SEMA5A: variants seen among roughly 807,000 people sequenced by gnomAD.
SEMA5A encodes semaphorin-5A.
SEMA5A carries 55 observed loss-of-function variants against 135.5 expected under a neutral mutation model. That is an observed-to-expected ratio of 0.41 (90% CI 0.33 to 0.51). SEMA5A has a LOEUF of 0.51. Among genes scored for constraint, SEMA5A ranks in the 20% least tolerant of loss-of-function variants. The pLI, the probability that SEMA5A is intolerant of heterozygous loss-of-function variation, is 0.37. For missense variants in SEMA5A, 1,290 were observed against 1,419.9 expected (o/e 0.91, Z 1.47); for synonymous variants, 580 against 546.5 (o/e 1.06, Z -0.85).
chr5:9,184,256 GT>G lies in SEMA5A; in HGVS notation c.1273+6010del, dbSNP rs56212340. Reference sequence around the variant, plus strand: ...ACCATGTGATTTTTTTTCATTTTTAGTTTTTTTTTTCCTCCTCAATACCTAA... The same window carrying G: ...ACCATGTGATTTTTTTTCATTTTTAGTTTTTTTTTCCTCCTCAATACCTAA... On this transcript the variant is annotated intron_variant, in intron 11 of 22. Transcript: ENST00000382496. Among the ~76,000 whole-genome samples the G allele has an allele frequency of 8.5e-4, 126 of 148,340 alleles. 1 individual carries two copies. The highest frequency in any genetic ancestry group is 3.0e-3 in the African/African-American group (121 of 40,420).
intron 18 of SEMA5A, among the ~76,000 whole-genome samples, chr5:9,055,634 A>G (rs1328926390): frequency 6.6e-6 from 1 of 152,204 alleles, no homozygotes; most frequent in Non-Finnish European, 1.5e-5. Context: ...CTTTATGACA[A>G]TATTATAATT....
chr5:9,540,828 T>C, intron 1 of SEMA5A, among the ~76,000 whole-genome samples: 1 of 152,170 alleles, frequency 6.6e-6, no homozygotes, highest in Non-Finnish European at 1.5e-5. Context: ...GGGGGCCCTC[T>C]GCAAGACGTG....
chr5:9,526,823 T>A (rs1737149584), intron 1 of SEMA5A, among the ~76,000 whole-genome samples: 1 of 152,212 alleles, frequency 6.6e-6, no homozygotes, highest in Non-Finnish European at 1.5e-5. Context: ...CTACCCACCC[T>A]ACTGGGCTGT....
chr5:9,222,469 A>C (rs1747060199), intron 8 of SEMA5A, among the ~76,000 whole-genome samples: 1 of 152,102 alleles, frequency 6.6e-6, no homozygotes, highest in South Asian at 2.1e-4. Flanking sequence ...AATGTAGGCC[A>C]GGGAAGGAGT....
At chr5:9,516,996 T>C (rs918933624) in intron 1 of SEMA5A, 12 of 152,380 alleles carry the variant, frequency 7.9e-5, no homozygotes, top group Admixed American at 7.8e-4. Flanking sequence ...TCTTCAAAAG[T>C]ATAGAAGGTT....
chr5:9,218,510 T>C (rs892886490), intron 8 of SEMA5A, among the ~76,000 whole-genome samples: 2 of 152,202 alleles, frequency 1.3e-5, no homozygotes, highest in Non-Finnish European at 2.9e-5. Flanking sequence ...ATAAGCAAAT[T>C]GTCTCATACA....
chr5:9,430,799 G>A (rs1268909878), intron 2 of SEMA5A, among the ~76,000 whole-genome samples: 2 of 151,930 alleles, frequency 1.3e-5, no homozygotes, highest in East Asian at 3.9e-4. Flanking sequence ...CAGAAATGGA[G>A]GACAACAAGT....
At chr5:9,445,845 T>A (rs556148636) in intron 1 of SEMA5A, among the ~76,000 whole-genome samples, 1 of 152,168 alleles carries the variant, frequency 6.6e-6, no homozygotes, top group Non-Finnish European at 1.5e-5. Context: ...TATCTGGCTC[T>A]ATGACTGGCA....
At chr5:9,467,404 G>C (rs1396813491) in intron 1 of SEMA5A, among the ~76,000 whole-genome samples, 1 of 152,070 alleles carries the variant, frequency 6.6e-6, no homozygotes, top group Non-Finnish European at 1.5e-5. Flanking sequence ...GAGCCACCGC[G>C]CCCGGCTGCA....
At chr5:9,071,532 A>G (rs912338368) in intron 16 of SEMA5A, among the ~76,000 whole-genome samples, 5 of 152,210 alleles carry the variant, frequency 3.3e-5, no homozygotes. Context: ...AGTAACAGAT[A>G]AGTCTACTGA....
chr5:9,119,214 C>T, intron 14 of SEMA5A, 73 bp from the exon 15 acceptor site: 1 of 1,550,132 alleles, frequency 6.5e-7, no homozygotes, highest in South Asian at 1.2e-5. Context: ...CACCCACGGC[C>T]AAATGCCTGT....
intron 19 of SEMA5A, chr5:9,053,666 A>T (rs1383136684): frequency 6.4e-6 from 1 of 155,338 alleles, no homozygotes; most frequent in Admixed American, 6.5e-5. Context: ...CATGGGGGGC[A>T]CTAAAAATGT....
chr5:9,190,450 G>T lies in SEMA5A; in HGVS notation c.1090C>A (p.Leu364Met). Residue 364 changes from leucine to methionine, a missense_variant, in exon 11 of 23, where the codon CTG becomes ATG. Around this residue, in one of 3 missense-constraint regions of SEMA5A, gnomAD observed 1,029 missense variants for 1,086.6 expected, o/e 0.95. Coordinates refer to ENST00000382496, the MANE Select transcript of SEMA5A (RefSeq NM_003966.3). ...HFQCGTVDQG[L>M]YVNLTERNLQ... ...TTTCTCTCGGTCAGGTTCACGTACA[G>T]GCCCTGGTCCACGGTGCCACACTGA... is the stretch of plus-strand genomic sequence containing the variant. 1.2e-6 allele frequency: 2 copies of T among 1,613,592 alleles called. No homozygotes were observed. Among genetic ancestry groups the T allele is most frequent in the Non-Finnish European group, 1.7e-6 (2 of 1,180,032 alleles).
intron 8 of SEMA5A, among the ~76,000 whole-genome samples, chr5:9,202,478 C>T (rs889464447): frequency 2.0e-5 from 3 of 152,120 alleles, no homozygotes; most frequent in East Asian, 1.9e-4. Flanking sequence ...TCAAGTATCC[C>T]GAGCTAAATT....
chr5:9,329,935 A>G (rs957645547), intron 4 of SEMA5A, among the ~76,000 whole-genome samples: 1 of 152,202 alleles, frequency 6.6e-6, no homozygotes, highest in Non-Finnish European at 1.5e-5. Flanking sequence ...AAATGTAAAT[A>G]GTCGTTATGC....
chr5:9,122,888 A>T lies in SEMA5A; in HGVS notation c.1600-51T>A, dbSNP rs764526352. 9.8e-6 allele frequency: 14 copies of T among 1,423,818 alleles called. No homozygotes were observed. In the East Asian group the frequency reaches 3.2e-4, roughly 32 times the overall value. 88.2% of individuals were successfully genotyped at this position (1,423,818 alleles called of 1,614,324 possible). On this transcript the variant is annotated intron_variant, in intron 13 of 22. Transcript: ENST00000382496. The stretch of plus-strand genomic sequence containing the variant: ...GTCAGAAAAGGTTAAAGCTGAACAC[A>T]TAATGGAGTAAAAATTAAAAATCCC...
At chr5:9,120,664 A>G (rs1740765167) in intron 14 of SEMA5A, among the ~76,000 whole-genome samples, 1 of 152,232 alleles carries the variant, frequency 6.6e-6, no homozygotes, top group Non-Finnish European at 1.5e-5. Context: ...TAAATAAATT[A>G]CATTTAATTT....
chr5:9,215,189 A>G (rs1214646562), intron 8 of SEMA5A, among the ~76,000 whole-genome samples: 3 of 152,210 alleles, frequency 2.0e-5, no homozygotes, highest in African/African-American at 4.8e-5. Flanking sequence ...CTAACAATGG[A>G]GATGATATGG....
intron 2 of SEMA5A, among the ~76,000 whole-genome samples, chr5:9,435,267 A>T (rs543755626): frequency 1.0e-3 from 159 of 152,328 alleles, no homozygotes; most frequent in Non-Finnish European, 2.2e-3. Context: ...AAGGGTGCAA[A>T]CTAACAGTGT....
Sources: gnomAD v4.1 joint callset for allele counts (sites outside exome capture counted in the v4.1 genomes callset) on GRCh38, gnomAD v4.1.1 for gene constraint, gnomAD v4.1.1 regional missense constraint, MANE v1.5 for transcripts, NCBI Gene and HGNC (gene_info 2026-07-23, HGNC 2026-07-21) for gene names.